The following ZNF366 variants were observed in gnomAD, a reference collection of about 807,000 sequenced individuals.
ZNF366 encodes zinc finger protein 366.
In ZNF366, 20 loss-of-function variants were observed where a neutral mutation model predicts 47.2. The observed-to-expected ratio is 0.42, with a 90% CI of 0.30 to 0.62. The LOEUF (loss-of-function observed/expected upper bound fraction) is 0.62. Among genes scored for constraint, ZNF366 ranks in the 20% least tolerant of loss-of-function variants. The probability of loss-of-function intolerance (pLI) is 0.16; values close to 1 mark genes in which losing one functional copy is unlikely to be tolerated. For missense variants in ZNF366, 987 were observed against 976.3 expected (o/e 1.01, Z -0.15); for synonymous variants, 421 against 395.1 (o/e 1.07, Z -0.78).
At chr5:72,462,550 T>TCTTTCTTTCTTTC (rs1554031612) in intron 1 of ZNF366, among the ~76,000 whole-genome samples, 47 of 133,904 alleles carry the variant, frequency 3.5e-4, no homozygotes, top group Admixed American at 5.1e-4. Flanking sequence ...TTTCTTTCTT[T>TCTTTCTTTCTTTC]TTTTTTTTTT....
chr5:72,484,258 G>T (rs572513307), intron 1 of ZNF366, among the ~76,000 whole-genome samples: 2 of 151,930 alleles, frequency 1.3e-5, no homozygotes, highest in South Asian at 4.1e-4. Context: ...GCCGAGGCGG[G>T]CGGATCACGA....
intron 3 of ZNF366, among the ~76,000 whole-genome samples, chr5:72,453,863 C>T (rs929545195): frequency 6.6e-6 from 1 of 152,180 alleles, no homozygotes; most frequent in African/African-American, 2.4e-5. Flanking sequence ...GGAGAAGGCC[C>T]ACCTTCTCCA....
intron 1 of ZNF366, among the ~76,000 whole-genome samples, chr5:72,463,751 T>G (rs541691298): frequency 6.6e-6 from 1 of 152,318 alleles, no homozygotes; most frequent in African/African-American, 2.4e-5. Context: ...TATTTGATGG[T>G]TTTTCTTGTT....
chr5:72,461,308 G>C lies in ZNF366; in HGVS notation c.189C>G (p.Asp63Glu), dbSNP rs754916994. The C allele has an allele frequency of 5.0e-6, 8 of 1,613,988 alleles. No homozygotes were observed. The highest frequency in any genetic ancestry group is 6.8e-6 in the Non-Finnish European group (8 of 1,180,008). ...CGAAGACCCCGGGGAACCCATCTAG[G>C]TCTCCTGGGGGAGGTTCATACCGAA... ...SQFRYEPPPG[D>E]LDGFPGVFEG... Residue 63 changes from aspartate to glutamate, a missense_variant, in exon 2 of 5, where the codon GAC becomes GAG. Around this residue, in one of 3 missense-constraint regions of ZNF366, gnomAD observed 591 missense variants for 560.9 expected, o/e 1.05. Coordinates refer to ENST00000318442, the MANE Select transcript of ZNF366 (RefSeq NM_152625.3).
At chr5:72,491,996 A>C (rs3936300) in intron 1 of ZNF366, among the ~76,000 whole-genome samples, 50,205 of 152,026 alleles carry the variant, frequency 0.33, 10,339 homozygotes, top group African/African-American at 0.58. Context: ...TGGACAGGAA[A>C]AAATTAGAGA....
intron 1 of ZNF366, among the ~76,000 whole-genome samples, chr5:72,481,501 C>T (rs1743789399): frequency 6.6e-6 from 1 of 152,092 alleles, no homozygotes; most frequent in African/African-American, 2.4e-5. Flanking sequence ...TTCATAAATC[C>T]TTGTTACATC....
chr5:72,468,648 C>T (rs1281148674), intron 1 of ZNF366, among the ~76,000 whole-genome samples: 1 of 152,206 alleles, frequency 6.6e-6, no homozygotes, highest in African/African-American at 2.4e-5. Context: ...GATTCAGCTA[C>T]TAACTTGCAT....
chr5:72,498,231 C>CATCT, intron 1 of ZNF366, among the ~76,000 whole-genome samples: 1 of 152,190 alleles, frequency 6.6e-6, no homozygotes, highest in Non-Finnish European at 1.5e-5. Flanking sequence ...TTAAGTCTTT[C>CATCT]ATCTATCTGG....
chr5:72,456,656 C>T (rs1408166459), intron 2 of ZNF366, 61 bp from the exon 3 acceptor site: 4 of 1,455,194 alleles, frequency 2.7e-6, no homozygotes, highest in Admixed American at 2.0e-5. Context: ...TCATCAGGAT[C>T]ATAGGCTTCA....
chr5:72,451,522 A>C (rs1743070704), intron 3 of ZNF366, among the ~76,000 whole-genome samples: 1 of 152,230 alleles, frequency 6.6e-6, no homozygotes, highest in African/African-American at 2.4e-5. Flanking sequence ...TGTGAGGATC[A>C]AGTGAGATAA....
intron 3 of ZNF366, among the ~76,000 whole-genome samples, chr5:72,449,860 C>T (rs1009303944): frequency 6.6e-6 from 1 of 152,086 alleles, no homozygotes; most frequent in African/African-American, 2.4e-5. Flanking sequence ...AAAGGAAAAG[C>T]CATGAGTGGT....
intron 1 of ZNF366, among the ~76,000 whole-genome samples, chr5:72,475,160 C>A (rs1171129818): frequency 6.6e-6 from 1 of 152,168 alleles, no homozygotes; most frequent in Non-Finnish European, 1.5e-5. Flanking sequence ...CTCTGACATG[C>A]AGGAGCTTAT....
chr5:72,505,941 T>A (rs1744311769), intron 1 of ZNF366, among the ~76,000 whole-genome samples: 1 of 152,116 alleles, frequency 6.6e-6, no homozygotes, highest in South Asian at 2.1e-4. Context: ...CTAAAGAAAA[T>A]CCTTGAAAAA....
At chr5:72,454,366 A>G (rs1405149894) in intron 3 of ZNF366, among the ~76,000 whole-genome samples, 1 of 152,218 alleles carries the variant, frequency 6.6e-6, no homozygotes, top group Non-Finnish European at 1.5e-5. Flanking sequence ...AGAACCCTCT[A>G]GATCCTCAGA....
At chr5:72,447,208 G>A (rs773803051) in intron 4 of ZNF366, 35 bp downstream of exon 4, 8 of 1,610,170 alleles carry the variant, frequency 5.0e-6, no homozygotes, top group Non-Finnish European at 1.7e-6. Context: ...TTGTCCACTG[G>A]ACTGACTTGC....
chr5:72,460,084 C>A, intron 2 of ZNF366, 81 bp downstream of exon 2: 3 of 1,521,384 alleles, frequency 2.0e-6, no homozygotes, highest in Non-Finnish European at 2.7e-6. Flanking sequence ...GCGGCACAGG[C>A]GTCCTGCTCC....
At position 72,460,705 on chromosome 5, in the gene ZNF366, G is replaced by A; in HGVS notation, c.792C>T (p.Ser264=). 6.2e-7 allele frequency: 1 copy of A among 1,614,232 alleles called. No individual in the cohort carries two copies. Among genetic ancestry groups the A allele is most frequent in the South Asian group, 1.1e-5 (1 of 91,088 alleles). The stretch of plus-strand genomic sequence containing the variant: ...GGATGTGGGTGACCAGGTTGTACTT[G>A]GAGGTGTAGGACTTCTCGCAGGTGG... ...QCPTCEKSYT[S]KYNLVTHILG... is the part of the protein sequence containing the mutation. The change falls in exon 2 of 5, where the codon TCC becomes TCT. Residue 264 remains serine (S), a synonymous_variant. Transcript: ENST00000318442.
chr5:72,460,037 G>A, intron 2 of ZNF366, 128 bp downstream of exon 2: 1 of 1,294,348 alleles, frequency 7.7e-7, no homozygotes, highest in African/African-American at 1.5e-5. Flanking sequence ...GGGACCGCTT[G>A]TCCGGGGTTG....
intron 1 of ZNF366, among the ~76,000 whole-genome samples, chr5:72,489,775 C>T (rs947738583): frequency 1.3e-5 from 2 of 152,228 alleles, no homozygotes; most frequent in Non-Finnish European, 2.9e-5. Flanking sequence ...GGGAAGAGAA[C>T]CTTCTCTCTG....
Sources: allele counts gnomAD v4.1 joint callset (sites outside exome capture counted in the v4.1 genomes callset), GRCh38; gene constraint gnomAD v4.1.1; regional missense constraint gnomAD v4.1.1; transcripts MANE v1.5; gene names NCBI Gene and HGNC (gene_info 2026-07-23, HGNC 2026-07-21).